The following LAMA1 variants were observed in gnomAD, a reference collection of about 807,000 sequenced individuals.
LAMA1 encodes laminin subunit alpha-1.
In LAMA1, 219 loss-of-function variants were observed where a neutral mutation model predicts 348.7. The ratio of observed to expected loss-of-function variants is 0.63; its 90% CI spans 0.56 to 0.70. LAMA1 has a LOEUF of 0.70. Among genes scored for constraint, LAMA1 ranks in the 30% least tolerant of loss-of-function variants. The probability of loss-of-function intolerance (pLI) is 0.00; values close to 1 mark genes in which losing one functional copy is unlikely to be tolerated. For synonymous variants in LAMA1, 1,487 were observed against 1,491.0 expected (o/e 1.00, Z 0.06); for missense variants, 3,744 against 3,888.0 (o/e 0.96, Z 0.99).
At chr18:7,108,896 T>G (rs1356301005) in intron 1 of LAMA1, among the ~76,000 whole-genome samples, 1 of 152,048 alleles carries the variant, frequency 6.6e-6, no homozygotes, top group Non-Finnish European at 1.5e-5. Context: ...AACTGTGGAT[T>G]TTGACGGGTG....
At chr18:7,095,122 T>TTCTCTCTCTCTCTCTCTCTCTC (rs71165720) in intron 1 of LAMA1, among the ~76,000 whole-genome samples, 6 of 126,526 alleles carry the variant, frequency 4.7e-5, no homozygotes, top group African/African-American at 1.9e-4. Flanking sequence ...CTCAGGACCT[T>TTCTCTCTCTCTCTCTCTCTCTC]TCTCTCTCTC....
intron 1 of LAMA1, among the ~76,000 whole-genome samples, chr18:7,111,868 G>A (rs1156658839): frequency 2.0e-5 from 3 of 152,152 alleles, no homozygotes; most frequent in South Asian, 2.1e-4. Flanking sequence ...CTGTCCAGTC[G>A]CTATCAATTA....
chr18:7,047,325 A>G (rs1479706822), intron 5 of LAMA1, among the ~76,000 whole-genome samples: 2 of 152,150 alleles, frequency 1.3e-5, no homozygotes, highest in Non-Finnish European at 2.9e-5. Context: ...TTACAGCATG[A>G]GCCACTGTGC....
intron 1 of LAMA1, among the ~76,000 whole-genome samples, chr18:7,087,569 T>C (rs1001539646): frequency 6.6e-6 from 1 of 152,242 alleles, no homozygotes; most frequent in East Asian, 1.9e-4. Flanking sequence ...TATTCAAATA[T>C]AGCATATTGA....
At chr18:6,961,350 G>A (rs544163066) in intron 53 of LAMA1, among the ~76,000 whole-genome samples, 4 of 152,250 alleles carry the variant, frequency 2.6e-5, no homozygotes, top group African/African-American at 7.2e-5. Flanking sequence ...GAGGTAGACA[G>A]CAAATAACTT....
intron 3 of LAMA1, among the ~76,000 whole-genome samples, chr18:7,067,828 C>T (rs1409227753): frequency 6.6e-6 from 1 of 151,804 alleles, no homozygotes; most frequent in African/African-American, 2.4e-5. Context: ...TGTATTCCTG[C>T]CTCCCTTCCT....
rs754236223 is a variant in LAMA1 at position 6,966,130 on chromosome 18, C to A, written c.7050+17G>T. The A allele has an allele frequency of 2.5e-5, 40 of 1,613,686 alleles. 5 individuals are homozygous for A. The Middle Eastern group carries it at 6.7e-3, about 269-fold the overall frequency. On this transcript the variant is annotated intron_variant, in intron 49 of 62. Transcript: ENST00000389658. ...GTGTGTATACAGTAGGGCCTAGGGCCGCACAAACACTCTTACTGTGCCGTA... is the reference window on the plus strand; with the variant it reads ...GTGTGTATACAGTAGGGCCTAGGGCAGCACAAACACTCTTACTGTGCCGTA...
intron 5 of LAMA1, among the ~76,000 whole-genome samples, chr18:7,048,238 G>A (rs1337923446): frequency 6.6e-6 from 1 of 152,046 alleles, no homozygotes; most frequent in Non-Finnish European, 1.5e-5. Context: ...ATACTAGTAA[G>A]CACATTGTCA....
chr18:7,026,705 TGATCATATTCGGCCA>T (rs1386309124), intron 16 of LAMA1, among the ~76,000 whole-genome samples: 1 of 152,070 alleles, frequency 6.6e-6, no homozygotes, highest in East Asian at 1.9e-4. Context: ...TTTAAAAAAA[TGATCATATTCGGCCA>T]GGTGCGGTGG....
At chr18:7,062,905 C>T (rs1414701261) in intron 3 of LAMA1, among the ~76,000 whole-genome samples, 1 of 152,194 alleles carries the variant, frequency 6.6e-6, no homozygotes, top group Non-Finnish European at 1.5e-5. Context: ...GAGCTTACAG[C>T]TTGCATCCCT....
At chr18:7,034,734 A>C in intron 13 of LAMA1, 44 bp from the exon 14 acceptor site, 3 of 1,544,928 alleles carry the variant, frequency 1.9e-6, no homozygotes, top group Non-Finnish European at 2.7e-6. Flanking sequence ...CATTCAATTT[A>C]ATGATAAAAT....
intron 46 of LAMA1, 120 bp downstream of exon 46, chr18:6,974,783 T>G: frequency 7.7e-7 from 1 of 1,306,450 alleles, no homozygotes; most frequent in South Asian, 1.2e-5. Context: ...CAAGTATTGT[T>G]TGGTTATAAT....
chr18:7,086,636 C>T (rs2058218665), intron 1 of LAMA1, among the ~76,000 whole-genome samples: 1 of 152,136 alleles, frequency 6.6e-6, no homozygotes, highest in Non-Finnish European at 1.5e-5. Flanking sequence ...AAAAACGGCC[C>T]TAGGACAGTG....
rs1243405956 is a variant in LAMA1, at chr18:7,098,104, GCCTCCCGAGGTGCCGGGATT to G, written c.62-17667_62-17648del. Among the ~76,000 whole-genome samples, 899 of 150,992 alleles carry G rather than the reference GCCTCCCGAGGTGCCGGGATT, an allele frequency of 6.0e-3. 15 individuals carry two copies. The highest frequency in any genetic ancestry group is 0.021 in the African/African-American group (857 of 41,332). ...AACCGCAAGTAATCCGCCAGCCTCA[GCCTCCCGAGGTGCCGGGATT>G]GCAGACGGAGTCTCCTTCACTCAGT... On this transcript the variant is annotated intron_variant, in intron 1 of 62. Transcript: ENST00000389658.
chr18:7,027,550 A>ACAAC (rs1385744006), intron 16 of LAMA1, among the ~76,000 whole-genome samples: 1 of 148,088 alleles, frequency 6.8e-6, no homozygotes, highest in African/African-American at 2.6e-5. Context: ...AACAACAACA[A>ACAAC]AAAAAAGCGA....
At position 6,978,177 on chromosome 18, in the gene LAMA1, A is replaced by G. The variant is rs779236128; in HGVS notation, c.6190+19T>C. The G allele has an allele frequency of 6.2e-7, 1 of 1,614,018 alleles. No individual in the cohort carries two copies. The highest frequency in any genetic ancestry group is 1.3e-5 in the African/African-American group (1 of 74,946). ...CATGACGCAGACGATCATGACTGGA[A>G]GGAAGGGCGCTGACATACTGGCCAT... is the stretch of plus-strand genomic sequence containing the variant. On this transcript the variant is annotated intron_variant, in intron 43 of 62. Coordinates refer to ENST00000389658, the MANE Select transcript of LAMA1 (RefSeq NM_005559.4).
At chr18:7,073,769 A>G (rs916166205) in intron 3 of LAMA1, among the ~76,000 whole-genome samples, 1 of 151,962 alleles carries the variant, frequency 6.6e-6, no homozygotes. Flanking sequence ...GGCATTCCCT[A>G]GTAGTGGAAT....
At chr18:7,027,087 A>C (rs561511674) in intron 16 of LAMA1, among the ~76,000 whole-genome samples, 7 of 152,364 alleles carry the variant, frequency 4.6e-5, no homozygotes, top group African/African-American at 1.7e-4. Flanking sequence ...AGACACAACA[A>C]TAAAATTCAA....
chr18:7,051,992 C>T (rs1217693540), intron 3 of LAMA1, among the ~76,000 whole-genome samples: 1 of 152,196 alleles, frequency 6.6e-6, no homozygotes, highest in Non-Finnish European at 1.5e-5. Flanking sequence ...AAAACTTGCA[C>T]CACCATTGCC....
Sources: gnomAD v4.1 joint callset for allele counts (sites outside exome capture counted in the v4.1 genomes callset) on GRCh38, gnomAD v4.1.1 for gene constraint, MANE v1.5 for transcripts, NCBI Gene and HGNC (gene_info 2026-07-23, HGNC 2026-07-21) for gene names.